Variants in RGL1 observed in about 807,000 individuals in gnomAD.
The protein encoded by RGL1 is ral guanine nucleotide dissociation stimulator like 1.
A neutral mutation model predicts 95.2 loss-of-function variants in RGL1; 24 were observed. The ratio of observed to expected loss-of-function variants is 0.25; its 90% CI spans 0.18 to 0.35. RGL1 has a LOEUF of 0.35. Among genes scored for constraint, RGL1 ranks in the 10% least tolerant of loss-of-function variants. The pLI is 1.00. For synonymous variants in RGL1, 329 were observed against 344.9 expected (o/e 0.95, Z 0.51); for missense variants, 715 against 936.3 (o/e 0.76, Z 3.08).
chr1:183,900,651 T>C (rs2102696150), intron 11 of RGL1, among the ~76,000 whole-genome samples: 1 of 152,106 alleles, frequency 6.6e-6, no homozygotes, highest in African/African-American at 2.4e-5. Context: ...ATTACAGGCG[T>C]GCACCACCAC....
chr1:183,693,872 T>G (rs1396361001), intron 1 of RGL1, among the ~76,000 whole-genome samples: 1 of 152,224 alleles, frequency 6.6e-6, no homozygotes, highest in African/African-American at 2.4e-5. Flanking sequence ...ACCCTTGGAA[T>G]AGACTTTAAG....
At chr1:183,889,059 T>C (rs1214938524) in intron 8 of RGL1, among the ~76,000 whole-genome samples, 2 of 152,200 alleles carry the variant, frequency 1.3e-5, no homozygotes, top group African/African-American at 4.8e-5. Context: ...AACCTTTAAA[T>C]GTTCTTTCCT....
intron 2 of RGL1, among the ~76,000 whole-genome samples, chr1:183,787,438 T>C (rs1044820918): frequency 6.6e-6 from 1 of 152,196 alleles, no homozygotes; most frequent in Non-Finnish European, 1.5e-5. Flanking sequence ...TCTCTTCCAT[T>C]TCCTGGTCAA....
rs907708538 is a variant in RGL1 at position 183,752,446 on chromosome 1, C to T, written c.132+10157C>T. On this transcript the variant is annotated intron_variant, in intron 2 of 18. Transcript: ENST00000304685. ...CTCACCATGTTGGCCAGGATGGTCT[C>T]GATCTCTTGACCTTGTGATCCGCCC... Among the ~76,000 whole-genome samples, 59 of 152,126 alleles carry T rather than the reference C, an allele frequency of 3.9e-4. 1 individual carries two copies. The highest frequency in any genetic ancestry group is 1.3e-3 in the African/African-American group (56 of 41,518).
At chr1:183,819,587 C>G (rs1662314944) in intron 2 of RGL1, among the ~76,000 whole-genome samples, 2 of 152,030 alleles carry the variant, frequency 1.3e-5, no homozygotes, top group Admixed American at 6.5e-5. Context: ...TTTTTAGGTG[C>G]TTTCATTTAC....
chr1:183,748,047 C>T (rs897005529), intron 2 of RGL1, among the ~76,000 whole-genome samples: 1 of 152,130 alleles, frequency 6.6e-6, no homozygotes, highest in African/African-American at 2.4e-5. Flanking sequence ...TTGACTTCTT[C>T]TGATTTAGTC....
At chr1:183,778,094 A>C (rs1659693377) in intron 2 of RGL1, among the ~76,000 whole-genome samples, 1 of 152,188 alleles carries the variant, frequency 6.6e-6, no homozygotes, top group African/African-American at 2.4e-5. Flanking sequence ...CAGTAGTTCA[A>C]AGCAGGATCT....
chr1:183,662,906 C>T (rs915188388), intron 1 of RGL1, among the ~76,000 whole-genome samples: 42 of 152,154 alleles, frequency 2.8e-4, no homozygotes, highest in African/African-American at 8.9e-4. Flanking sequence ...CAAATAACGC[C>T]GCATATCTAC....
At chr1:183,684,843 A>C (rs947584916) in intron 1 of RGL1, among the ~76,000 whole-genome samples, 1 of 152,162 alleles carries the variant, frequency 6.6e-6, no homozygotes, top group African/African-American at 2.4e-5. Flanking sequence ...TAGGGGAAGG[A>C]GTTCCCTGAT....
intron 10 of RGL1, among the ~76,000 whole-genome samples, chr1:183,898,753 C>T (rs1667846769): frequency 1.3e-5 from 2 of 152,172 alleles, no homozygotes; most frequent in Admixed American, 1.3e-4. Flanking sequence ...AGGATGAGAC[C>T]TTGTACACAG....
At chr1:183,652,101 C>T (rs952920452) in intron 1 of RGL1, among the ~76,000 whole-genome samples, 26 of 152,176 alleles carry the variant, frequency 1.7e-4, no homozygotes, top group African/African-American at 5.5e-4. Context: ...AGGCACTTTT[C>T]TGTCTTTATT....
chr1:183,889,202 T>C (rs1343640639), intron 8 of RGL1, among the ~76,000 whole-genome samples: 1 of 152,102 alleles, frequency 6.6e-6, no homozygotes, highest in Non-Finnish European at 1.5e-5. Flanking sequence ...TTCCGGAACT[T>C]CACTGTAGAT....
chr1:183,661,645 A>G (rs1166527928), intron 1 of RGL1, among the ~76,000 whole-genome samples: 2 of 149,838 alleles, frequency 1.3e-5, no homozygotes, highest in Non-Finnish European at 2.9e-5. Flanking sequence ...AGGAACTGGT[A>G]CCATTCCTTC....
In RGL1 at chr1:183,898,533, G is replaced by A. The variant is rs371960058; in HGVS notation, c.1230+636G>A. 2.8e-4 allele frequency among the ~76,000 whole-genome samples: 43 copies of A among 152,304 alleles called. No individual in the cohort carries two copies. In the South Asian group the frequency reaches 8.7e-3, roughly 31 times the overall value. Reference sequence around the variant, plus strand: ...ATAAAGTGTGGAAGACCAGAGGGAGGAGATTAGAGACTGACAAACTCTAAA... The same window carrying A: ...ATAAAGTGTGGAAGACCAGAGGGAGAAGATTAGAGACTGACAAACTCTAAA... On this transcript the variant is annotated intron_variant, in intron 10 of 17. Transcript: ENST00000360851.
At chr1:183,696,564 C>T (rs146032398) in intron 1 of RGL1, among the ~76,000 whole-genome samples, 1 of 152,170 alleles carries the variant, frequency 6.6e-6, no homozygotes, top group Non-Finnish European at 1.5e-5. Context: ...ATGACCTTAA[C>T]TCCATCTATA....
chr1:183,864,585 C>T (rs921902402), intron 3 of RGL1, among the ~76,000 whole-genome samples: 1 of 152,228 alleles, frequency 6.6e-6, no homozygotes, highest in African/African-American at 2.4e-5. Flanking sequence ...CCATCCTTGC[C>T]TTGCTCATGT....
At chr1:183,769,795 C>T (rs1347811506) in intron 2 of RGL1, among the ~76,000 whole-genome samples, 2 of 152,172 alleles carry the variant, frequency 1.3e-5, no homozygotes, top group Non-Finnish European at 2.9e-5. Flanking sequence ...AAGGCCAAAC[C>T]TCCTCATACT....
intron 2 of RGL1, among the ~76,000 whole-genome samples, chr1:183,756,460 T>C (rs1008589381): frequency 6.6e-6 from 1 of 152,224 alleles, no homozygotes; most frequent in Admixed American, 6.5e-5. Flanking sequence ...TCTTCACGTC[T>C]CTTACTTAGA....
chr1:183,820,665 C>G (rs752311338), intron 2 of RGL1, among the ~76,000 whole-genome samples: 2 of 152,130 alleles, frequency 1.3e-5, no homozygotes, highest in Non-Finnish European at 2.9e-5. Context: ...GCCTATTGAG[C>G]ACTTGAAATA....
Sources: allele counts gnomAD v4.1 joint callset (sites outside exome capture counted in the v4.1 genomes callset), GRCh38; gene constraint gnomAD v4.1.1; transcripts MANE v1.5; gene names NCBI Gene and HGNC (gene_info 2026-07-23, HGNC 2026-07-21).